The following RAB3GAP1 variants were observed in gnomAD, a reference collection of about 807,000 sequenced individuals.
The protein encoded by RAB3GAP1 is rab3 GTPase-activating protein catalytic subunit.
RAB3GAP1 carries 86 observed loss-of-function variants against 130.7 expected under a neutral mutation model. The ratio of observed to expected loss-of-function variants is 0.66; its 90% CI spans 0.55 to 0.79. RAB3GAP1 has a LOEUF of 0.79. Ranked by LOEUF, RAB3GAP1 falls within the 30% of genes least tolerant of loss-of-function variation. The pLI is 0.00. For missense variants in RAB3GAP1, 1,029 were observed against 1,169.4 expected (o/e 0.88, Z 1.75); for synonymous variants, 367 against 401.7 (o/e 0.91, Z 1.03).
At chr2:135,110,207 C>T (rs1161915189) in intron 5 of RAB3GAP1, among the ~76,000 whole-genome samples, 5 of 151,514 alleles carry the variant, frequency 3.3e-5, no homozygotes, top group African/African-American at 1.2e-4. Context: ...GATGATGGTT[C>T]ACTACAGCCT....
intron 6 of RAB3GAP1, 106 bp downstream of exon 6, chr2:135,113,376 T>G (rs1690876155): frequency 5.0e-6 from 7 of 1,407,814 alleles, no homozygotes; most frequent in Non-Finnish European, 6.9e-6. Context: ...ATTAGGAACT[T>G]AGTGCATATA....
At chr2:135,110,621 G>A (rs1203405059) in intron 5 of RAB3GAP1, among the ~76,000 whole-genome samples, 2 of 152,208 alleles carry the variant, frequency 1.3e-5, no homozygotes, top group Non-Finnish European at 2.9e-5. Context: ...TTGTGTGTGT[G>A]TACAGTAAGG....
intron 3 of RAB3GAP1, among the ~76,000 whole-genome samples, chr2:135,062,184 G>A (rs1483841275): frequency 2.6e-5 from 4 of 152,172 alleles, no homozygotes; most frequent in Non-Finnish European, 5.9e-5. Flanking sequence ...AAAGTGCTGG[G>A]ATTACGGGCA....
intron 23 of RAB3GAP1, chr2:135,165,150 G>T: frequency 2.2e-6 from 1 of 456,384 alleles, no homozygotes; most frequent in South Asian, 1.6e-5. Context: ...TACCTTTGAG[G>T]TTTCCTAGAA....
chr2:135,168,613 C>T lies in RAB3GAP1; in HGVS notation c.2778C>T (p.Asn926=), dbSNP rs1348471327. ...RMGSPEERRQ[N]SVSDFPPPAG... is the part of the protein sequence containing the mutation. ...GCTCCCCAGAGGAAAGAAGGCAGAA[C>T]TCCGTGTCAGACTTCCCACCCCCTG... The change falls in exon 24 of 24, where the codon AAC becomes AAT. Residue 926 remains asparagine, a synonymous_variant. Coordinates refer to ENST00000264158, the MANE Select transcript of RAB3GAP1 (RefSeq NM_012233.3). 1.2e-6 allele frequency: 2 copies of T among 1,614,078 alleles called. No homozygotes were observed. The highest frequency in any genetic ancestry group is 1.7e-6 in the Non-Finnish European group (2 of 1,180,052).
chr2:135,060,803 TCAAG>T (rs1211032047), intron 3 of RAB3GAP1, among the ~76,000 whole-genome samples: 1 of 152,072 alleles, frequency 6.6e-6, no homozygotes, highest in Admixed American at 6.6e-5. Context: ...CCTCCCGGGT[TCAAG>T]CAAGTCATAT....
chr2:135,089,832 G>A (rs1275881224), intron 3 of RAB3GAP1: 3 of 402,548 alleles, frequency 7.5e-6, no homozygotes, highest in South Asian at 1.8e-5. Flanking sequence ...CTCTTAACAC[G>A]GGAACAGAAA....
intron 3 of RAB3GAP1, among the ~76,000 whole-genome samples, chr2:135,088,380 C>A (rs1690045553): frequency 6.6e-6 from 1 of 152,020 alleles, no homozygotes; most frequent in African/African-American, 2.4e-5. Flanking sequence ...AAGAAACCCA[C>A]CCCACACAAA....
chr2:135,083,772 T>TG lies in RAB3GAP1; in HGVS notation c.151-7226_151-7225insG, dbSNP rs1207128994. On this transcript the variant is annotated intron_variant, in intron 3 of 23. Coordinates refer to ENST00000264158, the MANE Select transcript of RAB3GAP1 (RefSeq NM_012233.3). ...CAGCCACTGTACCCAACACGGTTTTTTTTTTTTTTTTTTTTTTTTAATTAT... is the reference window on the plus strand; with the variant it reads ...CAGCCACTGTACCCAACACGGTTTTTGTTTTTTTTTTTTTTTTTTTAATTAT... 1.4e-4 allele frequency among the ~76,000 whole-genome samples: 21 copies of TG among 149,428 alleles called. 1 individual carries two copies. The East Asian group carries it at 3.9e-3, about 28-fold the overall frequency.
chr2:135,138,399 A>G (rs1249904446), intron 17 of RAB3GAP1, among the ~76,000 whole-genome samples: 1 of 151,860 alleles, frequency 6.6e-6, no homozygotes, highest in Non-Finnish European at 1.5e-5. Flanking sequence ...GCAGTGAGCT[A>G]TGATTGTGTC....
At chr2:135,076,761 A>G (rs1689644621) in intron 3 of RAB3GAP1, among the ~76,000 whole-genome samples, 1 of 152,244 alleles carries the variant, frequency 6.6e-6, no homozygotes, top group Admixed American at 6.5e-5. Context: ...ATCCATATCT[A>G]GAACTTTTTT....
chr2:135,116,847 C>A (rs929281384), intron 7 of RAB3GAP1, among the ~76,000 whole-genome samples: 1 of 151,988 alleles, frequency 6.6e-6, no homozygotes, highest in Non-Finnish European at 1.5e-5. Context: ...GTTTTCCAAT[C>A]TTTCTGAAGG....
At chr2:135,156,667 C>T (rs1692323556) in intron 19 of RAB3GAP1, among the ~76,000 whole-genome samples, 1 of 152,120 alleles carries the variant, frequency 6.6e-6, no homozygotes, top group African/African-American at 2.4e-5. Context: ...AACTTTAGTC[C>T]TAAACACAGC....
rs1420485642 is a variant in RAB3GAP1 at position 135,060,933 on chromosome 2, G to C, written c.150+2847G>C. 4.7e-5 allele frequency among the ~76,000 whole-genome samples: 7 copies of C among 149,940 alleles called. No individual in the cohort carries two copies. In the East Asian group the frequency reaches 1.4e-3, roughly 30 times the overall value. ...TGGCCAGGCTGGTCTCCAATTCCTG[G>C]CCTAAAGCAATCTGCTTGCCTGGGC... is the stretch of plus-strand genomic sequence containing the variant. On this transcript the variant is annotated intron_variant, in intron 3 of 23. Coordinates refer to ENST00000264158, the MANE Select transcript of RAB3GAP1 (RefSeq NM_012233.3).
chr2:135,146,665 G>T (rs1403638638), intron 17 of RAB3GAP1, among the ~76,000 whole-genome samples: 1 of 152,032 alleles, frequency 6.6e-6, no homozygotes, highest in Non-Finnish European at 1.5e-5. Flanking sequence ...TTTCCTTTCT[G>T]AGCCTTGTTT....
chr2:135,079,609 T>C (rs1689728980), intron 3 of RAB3GAP1, among the ~76,000 whole-genome samples: 1 of 152,228 alleles, frequency 6.6e-6, no homozygotes, highest in Admixed American at 6.5e-5. Flanking sequence ...CCCCAAATCC[T>C]CGTCTGTTCT....
At chr2:135,121,127 A>G (rs1447828215) in intron 8 of RAB3GAP1, among the ~76,000 whole-genome samples, 1 of 152,156 alleles carries the variant, frequency 6.6e-6, no homozygotes, top group African/African-American at 2.4e-5. Flanking sequence ...GTATTACTCT[A>G]TATTTGACAA....
At chr2:135,150,907 T>A (rs955283363) in intron 18 of RAB3GAP1, among the ~76,000 whole-genome samples, 8 of 152,154 alleles carry the variant, frequency 5.3e-5, no homozygotes, top group African/African-American at 4.8e-5. Flanking sequence ...AAATACAGTG[T>A]TTACCCTCAG....
In RAB3GAP1 at chr2:135,168,575, T is replaced by C. The variant is rs771555962; in HGVS notation, c.2740T>C (p.Leu914=). The change falls in exon 24 of 24, where the codon TTG becomes CTG. Residue 914 remains leucine (L), a synonymous_variant. Coordinates refer to ENST00000264158, the MANE Select transcript of RAB3GAP1 (RefSeq NM_012233.3). ...AGCTATGACTCCACCAGAGGAGGAATTGAAGAGAATGGGCTCCCCAGAGGA... is the reference window on the plus strand; with the variant it reads ...AGCTATGACTCCACCAGAGGAGGAACTGAAGAGAATGGGCTCCCCAGAGGA... ...AAAMTPPEEE[L]KRMGSPEERR... 2 of 1,614,132 alleles carry C rather than the reference T, an allele frequency of 1.2e-6. No individual in the cohort carries two copies. The highest frequency in any genetic ancestry group is 1.1e-5 in the South Asian group (1 of 91,074).
Sources: allele counts gnomAD v4.1 joint callset (sites outside exome capture counted in the v4.1 genomes callset), GRCh38; gene constraint gnomAD v4.1.1; transcripts MANE v1.5; gene names NCBI Gene and HGNC (gene_info 2026-07-23, HGNC 2026-07-21).